Variants in ITGA6 observed in about 807,000 individuals in gnomAD.
The protein encoded by ITGA6 is integrin alpha-6.
ITGA6 carries 63 observed loss-of-function variants against 133.6 expected under a neutral mutation model. That is an observed-to-expected ratio of 0.47 (90% CI 0.38 to 0.58). The LOEUF (loss-of-function observed/expected upper bound fraction) is 0.58. Ranked by LOEUF, ITGA6 falls within the 20% of genes least tolerant of loss-of-function variation. The pLI is 0.00. For missense variants in ITGA6, 1,068 were observed against 1,309.4 expected (o/e 0.82, Z 2.85); for synonymous variants, 434 against 482.0 (o/e 0.90, Z 1.30).
chr2:172,502,494 C>T (rs567362318), intron 25 of ITGA6, among the ~76,000 whole-genome samples: 1 of 152,280 alleles, frequency 6.6e-6, no homozygotes, highest in Non-Finnish European at 1.5e-5. Context: ...ATGCAACTTC[C>T]ATTTCCTGCA....
At position 172,504,570 on chromosome 2, in the gene ITGA6, C is replaced by T. The variant is rs564281799; in HGVS notation, c.*502C>T. On this transcript the variant is annotated 3_prime_UTR_variant, in exon 26 of 26. Coordinates refer to ENST00000684293, the MANE Select transcript of ITGA6 (RefSeq NM_000210.4). ...CTGCCCAGTTGCACTCAGGTGACAT[C>T]CTCCAGATAGTGTAGCTGAGGAGGC... is the stretch of plus-strand genomic sequence containing the variant. 1 of 227,982 alleles carries T rather than the reference C, an allele frequency of 4.4e-6. No homozygotes were observed. The highest frequency in any genetic ancestry group is 5.3e-5 in the Admixed American group (1 of 18,722). The allele number at this position is 227,982 out of a possible 1,614,324, so 14.1% of individuals were successfully genotyped here. A position where few individuals can be genotyped will look rare whatever the true frequency, so the allele number is the denominator to read the frequency against.
chr2:172,505,811 A>ATAT lies in ITGA6; in HGVS notation c.*1745_*1747dup, dbSNP rs1029759631. On this transcript the variant is annotated 3_prime_UTR_variant, in exon 26 of 26. Transcript: ENST00000684293. ...ACTTTGGAATTCTTAGTCACAAAAT[A>ATAT]TATTTTGTTTACAAAAATTTCTGTA... 3 of 152,628 alleles carry ATAT rather than the reference A, an allele frequency of 2.0e-5. No individual in the cohort carries two copies. Among genetic ancestry groups the ATAT allele is most frequent in the Non-Finnish European group, 4.4e-5 (3 of 68,036 alleles). 9.5% of individuals were successfully genotyped at this position (152,628 alleles called of 1,614,324 possible).
chr2:172,494,492 A>C (rs1687051734), intron 23 of ITGA6, among the ~76,000 whole-genome samples: 1 of 152,194 alleles, frequency 6.6e-6, no homozygotes, highest in Non-Finnish European at 1.5e-5. Flanking sequence ...AGGACAACAG[A>C]GTGAGGCCCT....
At chr2:172,470,023 A>G (rs1452977823) in intron 4 of ITGA6, among the ~76,000 whole-genome samples, 1 of 152,236 alleles carries the variant, frequency 6.6e-6, no homozygotes, top group Non-Finnish European at 1.5e-5. Flanking sequence ...ATGCTATATC[A>G]TAAAAGACAA....
chr2:172,481,741 A>T (rs1001694150), intron 11 of ITGA6, among the ~76,000 whole-genome samples: 2 of 152,094 alleles, frequency 1.3e-5, no homozygotes, highest in African/African-American at 4.8e-5. Context: ...GCACAGGGGG[A>T]GCTGTGGCCT....
chr2:172,442,070 A>G (rs1270127762), intron 1 of ITGA6, among the ~76,000 whole-genome samples: 3 of 152,222 alleles, frequency 2.0e-5, no homozygotes, highest in Non-Finnish European at 4.4e-5. Flanking sequence ...ATTAGAAACT[A>G]GGCTCGGATT....
intron 11 of ITGA6, 126 bp from the exon 12 acceptor site, chr2:172,484,656 G>C: frequency 2.5e-6 from 2 of 799,504 alleles, no homozygotes; most frequent in South Asian, 3.0e-5. Context: ...ATATTACCAG[G>C]AAATATGAAG....
chr2:172,499,835 T>C (rs1038057237), intron 24 of ITGA6, among the ~76,000 whole-genome samples: 6 of 152,302 alleles, frequency 3.9e-5, no homozygotes, highest in Non-Finnish European at 2.9e-5. Context: ...ATAATCTTGG[T>C]CAAATCATTC....
At chr2:172,465,073 C>T (rs996263020) in intron 1 of ITGA6, 1 of 202,692 alleles carries the variant, frequency 4.9e-6, no homozygotes, top group African/African-American at 2.3e-5. Flanking sequence ...TCAGAATTAC[C>T]CTTGAAAACT....
rs371152030 is a variant in ITGA6 at position 172,488,030 on chromosome 2, G to C, written c.2394G>C (p.Ser798=). 1 of 1,613,534 alleles carries C rather than the reference G, an allele frequency of 6.2e-7. No homozygotes were observed. Among genetic ancestry groups the C allele is most frequent in the African/African-American group, 1.3e-5 (1 of 74,872 alleles). ...KAKVVIELLL[S]VSGVAKPSQV... is the part of the protein sequence containing the mutation. ...AAGTGGTTATTGAACTGCTTTTATC[G>C]GTCTCGGGGTAAGTGTTTGTGTTTA... Residue 798 remains serine (S), a synonymous_variant, in exon 18 of 26, where the codon TCG becomes TCC. Transcript: ENST00000684293.
chr2:172,498,432 T>A (rs990457354), intron 24 of ITGA6, among the ~76,000 whole-genome samples: 4 of 152,212 alleles, frequency 2.6e-5, no homozygotes, highest in Non-Finnish European at 5.9e-5. Context: ...TAAGCCAAAT[T>A]GTTAGGGTGT....
At chr2:172,444,962 GT>G (rs199556226) in intron 1 of ITGA6, among the ~76,000 whole-genome samples, 2,498 of 141,880 alleles carry the variant, frequency 0.018, 69 homozygotes, top group African/African-American at 0.058. Context: ...ATTTCTGTAG[GT>G]TTTGTTTGTT....
chr2:172,428,884 G>C (rs1283897542), intron 1 of ITGA6, among the ~76,000 whole-genome samples: 1 of 152,190 alleles, frequency 6.6e-6, no homozygotes, highest in Non-Finnish European at 1.5e-5. Flanking sequence ...ATTTAAGCCG[G>C]AGAGGGTATT....
intron 1 of ITGA6, among the ~76,000 whole-genome samples, chr2:172,464,035 G>A (rs1483908268): frequency 6.6e-6 from 1 of 152,166 alleles, no homozygotes; most frequent in African/African-American, 2.4e-5. Flanking sequence ...GTACCTTGGT[G>A]TGTGCTGTTT....
Position 172,491,667 on chromosome 2 carries a change from G to T in ITGA6, c.2988+144G>T. On this transcript the variant is annotated intron_variant, in intron 23 of 25. Transcript: ENST00000684293. The surrounding 1 kb of genome is among the most constrained non-coding windows in gnomAD (Gnocchi z 4.4). ...AAAACTGTCTTAAGGTACTGGCACT[G>T]CAAGCTGTATTTTAATAGAATCATT... 1 of 695,940 alleles carries T rather than the reference G, an allele frequency of 1.4e-6. No individual in the cohort carries two copies. Among genetic ancestry groups the T allele is most frequent in the Non-Finnish European group, 2.6e-6 (1 of 382,610 alleles). 43.1% of individuals were successfully genotyped at this position (695,940 alleles called of 1,614,324 possible). A position where few individuals can be genotyped will look rare whatever the true frequency, so the allele number is the denominator to read the frequency against.
At chr2:172,495,618 G>C (rs1687095778) in intron 23 of ITGA6, 1 of 152,250 alleles carries the variant, frequency 6.6e-6, no homozygotes, top group African/African-American at 2.4e-5. Flanking sequence ...TCGCCCTCCA[G>C]AACCACGGAG....
intron 9 of ITGA6, among the ~76,000 whole-genome samples, chr2:172,477,610 A>G (rs1382943250): frequency 1.3e-5 from 2 of 152,164 alleles, no homozygotes. Flanking sequence ...GCCCCTGTCT[A>G]TGTGTAACTG....
intron 13 of ITGA6, among the ~76,000 whole-genome samples, chr2:172,486,686 C>T (rs1377031767): frequency 6.6e-6 from 1 of 152,100 alleles, no homozygotes; most frequent in Non-Finnish European, 1.5e-5. Context: ...GGTATCTCCA[C>T]GTTACCTATG....
chr2:172,487,710 C>T lies in ITGA6; in HGVS notation c.2245-18C>T. ...CTGTATGCATGGCCTGTGTTAACAG[C>T]TATTTATGTTTTTTTAGGTCACTTT... On this transcript the variant is annotated intron_variant, in intron 16 of 25. Transcript: ENST00000684293. 1.9e-6 allele frequency: 3 copies of T among 1,601,468 alleles called. No individual in the cohort carries two copies. The highest frequency in any genetic ancestry group is 2.6e-6 in the Non-Finnish European group (3 of 1,168,984).
Sources: gnomAD v4.1 joint callset for allele counts (sites outside exome capture counted in the v4.1 genomes callset) on GRCh38, gnomAD v4.1.1 for gene constraint, Gnocchi (gnomAD v3.1) non-coding constraint, MANE v1.5 for transcripts, NCBI Gene and HGNC (gene_info 2026-07-23, HGNC 2026-07-21) for gene names.